Variants in ENOX2 observed in about 807,000 individuals in gnomAD.
ENOX2 encodes ecto-NOX disulfide-thiol exchanger 2, also known as APK1 antigen.
In ENOX2, 36 loss-of-function variants were observed where a neutral mutation model predicts 45.0. The ratio of observed to expected loss-of-function variants is 0.80; its 90% CI spans 0.61 to 1.06. The LOEUF is 1.06. ENOX2 is among the 50% of genes least tolerant of loss of function. The pLI, the probability that ENOX2 is intolerant of heterozygous loss-of-function variation, is 0.00. For missense variants in ENOX2, 423 were observed against 462.5 expected (o/e 0.91, Z 0.78); for synonymous variants, 174 against 152.3 (o/e 1.14, Z -1.05).
Position 130,625,248 on chromosome X carries a change from A to C in ENOX2, c.*66T>G. 1 of 1,102,395 alleles carries C rather than the reference A, an allele frequency of 9.1e-7. No individual in the cohort carries two copies. Among genetic ancestry groups the C allele is most frequent in the Non-Finnish European group, 1.2e-6 (1 of 820,004 alleles). 90.8% of individuals were successfully genotyped at this position (1,102,395 alleles called of 1,213,427 possible). A position where few individuals can be genotyped will look rare whatever the true frequency, so the allele number is the denominator to read the frequency against. On this transcript the variant is annotated 3_prime_UTR_variant, in exon 15 of 15. Coordinates refer to ENST00000394363, the MANE Select transcript of ENOX2 (RefSeq NM_006375.4). ...CCACTTGAAAACCATTAAAAATATA[A>C]ATCACTTTCTATGCTTGTCCAACAC...
At chrX:130,828,397 A>C (rs767678024) in intron 2 of ENOX2, among the ~76,000 whole-genome samples, 1 of 112,477 alleles carries the variant, frequency 8.9e-6, no homozygotes, top group Non-Finnish European at 1.9e-5. Context: ...AAATACATTT[A>C]ACAAGAAAGA....
chrX:130,719,045 GC>G (rs2038403225), intron 3 of ENOX2, among the ~76,000 whole-genome samples: 1 of 111,985 alleles, frequency 8.9e-6, no homozygotes, highest in Non-Finnish European at 1.9e-5. Context: ...CCTGACTTTT[GC>G]CTGTGTGCTA....
At chrX:130,675,101 C>A (rs2037108213) in intron 6 of ENOX2, among the ~76,000 whole-genome samples, 1 of 108,559 alleles carries the variant, frequency 9.2e-6, no homozygotes, top group South Asian at 4.1e-4. Flanking sequence ...GTCTTTATAG[C>A]AGCATGATTT....
intron 2 of ENOX2, among the ~76,000 whole-genome samples, chrX:130,797,987 C>T (rs2077161532): frequency 9.1e-6 from 1 of 110,403 alleles, no homozygotes; most frequent in East Asian, 2.8e-4. Context: ...TTATCCCTGG[C>T]TACATATTAA....
chrX:130,869,947 A>G (rs959826770), intron 2 of ENOX2, among the ~76,000 whole-genome samples: 12 of 112,250 alleles, frequency 1.1e-4, no homozygotes, highest in African/African-American at 3.9e-4. Flanking sequence ...TGCTGTAAGC[A>G]ATATGCTGTA....
chrX:130,797,626 G>A (rs746996112), intron 2 of ENOX2, among the ~76,000 whole-genome samples: 69 of 111,690 alleles, frequency 6.2e-4, no homozygotes, highest in Admixed American at 3.7e-3. Flanking sequence ...ATGGGGGAAG[G>A]AGAAAATGGA....
At chrX:130,852,661 A>G (rs980554626) in intron 2 of ENOX2, among the ~76,000 whole-genome samples, 15 of 111,386 alleles carry the variant, frequency 1.3e-4, no homozygotes, top group Non-Finnish European at 2.5e-4. Flanking sequence ...CCTGAGTTGG[A>G]AGTAAAAACA....
At chrX:130,870,884 G>A (rs1040044776) in intron 2 of ENOX2, among the ~76,000 whole-genome samples, 4 of 106,783 alleles carry the variant, frequency 3.7e-5, no homozygotes, top group African/African-American at 1.0e-4. Context: ...GTGAGAGGGA[G>A]GGAGAGAGGG....
intron 6 of ENOX2, among the ~76,000 whole-genome samples, chrX:130,673,449 C>T (rs2037043789): frequency 9.6e-6 from 1 of 104,661 alleles, no homozygotes; most frequent in Non-Finnish European, 2.0e-5. Flanking sequence ...AAAAACAATG[C>T]AGGATATGAA....
In ENOX2 at chrX:130,658,320, A is replaced by C. The variant is rs190762264; in HGVS notation, c.1015-1625T>G. 4.0e-3 allele frequency among the ~76,000 whole-genome samples: 444 copies of C among 111,856 alleles called. 2 individuals are homozygous for C. The highest frequency in any genetic ancestry group is 0.014 in the African/African-American group (430 of 30,867). On this transcript the variant is annotated intron_variant, in intron 9 of 14. Coordinates refer to ENST00000394363, the MANE Select transcript of ENOX2 (RefSeq NM_006375.4). ...ATAATGAGAGAACTTAAAGAGAGAG[A>C]AAAACAAATGTATCCAATCTGAAGA...
At chrX:130,879,990 C>T (rs772300331) in intron 2 of ENOX2, among the ~76,000 whole-genome samples, 5 of 111,690 alleles carry the variant, frequency 4.5e-5, no homozygotes, top group Non-Finnish European at 9.4e-5. Context: ...ACAAAAGAAC[C>T]TATATGCAGA....
chrX:130,715,978 T>C (rs2038320321), intron 3 of ENOX2, among the ~76,000 whole-genome samples: 1 of 111,705 alleles, frequency 9.0e-6, no homozygotes, highest in South Asian at 3.8e-4. Context: ...GCATTACCTC[T>C]GATATCTTAT....
intron 7 of ENOX2, among the ~76,000 whole-genome samples, chrX:130,668,445 A>T (rs1288550353): frequency 8.9e-6 from 1 of 111,837 alleles, no homozygotes; most frequent in Non-Finnish European, 1.9e-5. Context: ...ATTTCTCCAC[A>T]TCCTTTTTTC....
chrX:130,776,527 C>T (rs2039860338), intron 3 of ENOX2, among the ~76,000 whole-genome samples: 2 of 110,909 alleles, frequency 1.8e-5, no homozygotes, highest in Non-Finnish European at 3.8e-5. Context: ...GACATGCCTG[C>T]TTCCCCTTTG....
chrX:130,869,024 A>G (rs1461441545), intron 2 of ENOX2, among the ~76,000 whole-genome samples: 2 of 111,932 alleles, frequency 1.8e-5, no homozygotes, highest in Non-Finnish European at 3.8e-5. Flanking sequence ...TGTTCCATGT[A>G]AGAGCATTCA....
intron 10 of ENOX2, among the ~76,000 whole-genome samples, chrX:130,653,083 T>C (rs1569480835): frequency 8.9e-6 from 1 of 112,004 alleles, no homozygotes; most frequent in Non-Finnish European, 1.9e-5. Context: ...TTCCTGGCTT[T>C]TTCCTTTTCT....
At chrX:130,743,382 T>C (rs1397600953) in intron 3 of ENOX2, among the ~76,000 whole-genome samples, 2 of 111,880 alleles carry the variant, frequency 1.8e-5, no homozygotes, top group Admixed American at 9.5e-5. Flanking sequence ...CTGGCCACCA[T>C]TCTGTTGTGA....
At chrX:130,748,493 C>T (rs1394316723) in intron 3 of ENOX2, among the ~76,000 whole-genome samples, 1 of 111,605 alleles carries the variant, frequency 9.0e-6, no homozygotes, top group Non-Finnish European at 1.9e-5. Context: ...ATATTGACTC[C>T]CCTCTTTAAT....
At position 130,821,704 on chromosome X, in the gene ENOX2, T is replaced by A. The variant is rs868101385; in HGVS notation, c.-182-38014A>T. Among the ~76,000 whole-genome samples, 225 of 35,400 alleles carry A rather than the reference T, an allele frequency of 6.4e-3. 1 individual carries two copies. Among genetic ancestry groups the A allele is most frequent in the African/African-American group, 0.018 (146 of 8,287 alleles). 30.7% of individuals were successfully genotyped at this position (35,400 alleles called of 115,157 possible). ...CTTAAAGTATAATAAAAAAAAAAAT[T>A]AAAAAAAAAATAAATAAATAAAAAT... On this transcript the variant is annotated intron_variant, in intron 2 of 14. Transcript: ENST00000394363.
Sources: allele counts gnomAD v4.1 joint callset (sites outside exome capture counted in the v4.1 genomes callset), GRCh38; gene constraint gnomAD v4.1.1; transcripts MANE v1.5; gene names NCBI Gene and HGNC (gene_info 2026-07-23, HGNC 2026-07-21).